The following ZNF804A variants were observed in gnomAD, a reference collection of about 807,000 sequenced individuals.
The protein encoded by ZNF804A is zinc finger protein 804A.
A neutral mutation model predicts 16.5 loss-of-function variants in ZNF804A; 2 were observed. That is an observed-to-expected ratio of 0.12 (90% CI 0.05 to 0.38). The LOEUF is 0.38. Among genes scored for constraint, ZNF804A ranks in the 10% least tolerant of loss-of-function variants. ZNF804A has a pLI of 0.99. For missense variants in ZNF804A, 1,473 were observed against 1,390.7 expected, an observed-to-expected ratio of 1.06 and a Z score of -0.94; for synonymous variants, 534 against 489.6, an observed-to-expected ratio of 1.09 and a Z score of -1.20.
At chr2:184,649,948 T>C (rs1691951796) in intron 1 of ZNF804A, among the ~76,000 whole-genome samples, 1 of 151,882 alleles carries the variant, frequency 6.6e-6, no homozygotes, top group African/African-American at 2.4e-5. Flanking sequence ...GACTCCTTTC[T>C]AACTAATTCT....
At chr2:184,817,076 A>C (rs1694994120) in intron 1 of ZNF804A, among the ~76,000 whole-genome samples, 1 of 152,010 alleles carries the variant, frequency 6.6e-6, no homozygotes, top group Non-Finnish European at 1.5e-5. Context: ...AAAGGAAAGC[A>C]AGAAGACCAG....
chr2:184,927,429 G>A (rs1230336595), intron 2 of ZNF804A, among the ~76,000 whole-genome samples: 1 of 152,098 alleles, frequency 6.6e-6, no homozygotes, highest in Middle Eastern at 3.2e-3. Context: ...CCACCACTGG[G>A]ATTGCACTGG....
chr2:184,646,352 T>G (rs1317714903), intron 1 of ZNF804A, among the ~76,000 whole-genome samples: 1 of 152,164 alleles, frequency 6.6e-6, no homozygotes, highest in Non-Finnish European at 1.5e-5. Context: ...TCCAGCTTGG[T>G]GAACTGGAAC....
At chr2:184,795,117 C>T (rs1173120832) in intron 1 of ZNF804A, among the ~76,000 whole-genome samples, 1 of 152,110 alleles carries the variant, frequency 6.6e-6, no homozygotes, top group Non-Finnish European at 1.5e-5. Context: ...ACAGAATATA[C>T]ATTCTATTCA....
intron 1 of ZNF804A, among the ~76,000 whole-genome samples, chr2:184,861,839 G>A (rs180883012): frequency 6.6e-6 from 1 of 152,134 alleles, no homozygotes; most frequent in East Asian, 1.9e-4. Flanking sequence ...ATTTCACTTC[G>A]CTGTCTACAA....
At chr2:184,686,899 A>C (rs1692645929) in intron 1 of ZNF804A, among the ~76,000 whole-genome samples, 1 of 152,006 alleles carries the variant, frequency 6.6e-6, no homozygotes, top group African/African-American at 2.4e-5. Flanking sequence ...CTTGCTTATT[A>C]ATTTATGTCT....
intron 1 of ZNF804A, among the ~76,000 whole-genome samples, chr2:184,683,128 T>C (rs529228404): frequency 2.0e-5 from 3 of 152,368 alleles, no homozygotes; most frequent in African/African-American, 7.2e-5. Context: ...GTATCTATTT[T>C]ATCTAATTTT....
chr2:184,809,286 A>T (rs1694856814), intron 1 of ZNF804A, among the ~76,000 whole-genome samples: 1 of 151,772 alleles, frequency 6.6e-6, no homozygotes, highest in African/African-American at 2.4e-5. Context: ...TTTTTTATAA[A>T]GTATACACAT....
intron 1 of ZNF804A, among the ~76,000 whole-genome samples, chr2:184,773,526 A>G (rs1015754929): frequency 1.3e-5 from 2 of 151,994 alleles, no homozygotes; most frequent in Non-Finnish European, 2.9e-5. Flanking sequence ...ATTGCAGACC[A>G]TTATTCTTAG....
chr2:184,668,122 C>T (rs72899938), intron 1 of ZNF804A, among the ~76,000 whole-genome samples: 8,832 of 151,584 alleles, frequency 0.058, 378 homozygotes, highest in Admixed American at 0.13. Flanking sequence ...ACTCAAAGGA[C>T]ATATTATTTT....
At chr2:184,625,476 CTT>C (rs1453148623) in intron 1 of ZNF804A, among the ~76,000 whole-genome samples, 1 of 151,838 alleles carries the variant, frequency 6.6e-6, no homozygotes, top group Non-Finnish European at 1.5e-5. Flanking sequence ...AGATAAATGA[CTT>C]AGTATATGTT....
intron 2 of ZNF804A, among the ~76,000 whole-genome samples, chr2:184,892,632 C>A (rs1040057958): frequency 1.3e-5 from 2 of 151,736 alleles, no homozygotes; most frequent in African/African-American, 2.4e-5. Context: ...TACAGGCACG[C>A]GCCACCATGC....
chr2:184,936,274 C>G lies in ZNF804A; in HGVS notation c.878C>G (p.Thr293Ser). 3 of 1,613,952 alleles carry G rather than the reference C, an allele frequency of 1.9e-6. No homozygotes were observed. The highest frequency in any genetic ancestry group is 2.5e-6 in the Non-Finnish European group (3 of 1,179,946). ...TGCAGAGACAAAGAAACTGTTCAAACTCAAGAGATAAAAGAAGTCTCTAGT... is the reference window on the plus strand; with the variant it reads ...TGCAGAGACAAAGAAACTGTTCAAAGTCAAGAGATAAAAGAAGTCTCTAGT... Reference protein sequence around the residue: ...AMCRDKETVQTQEIKEVSSEK... With the variant: ...AMCRDKETVQSQEIKEVSSEK... Residue 293 changes from threonine to serine, a missense_variant, in exon 4 of 4, where the codon ACT becomes AGT. Coordinates refer to ENST00000302277, the MANE Select transcript of ZNF804A (RefSeq NM_194250.2).
At chr2:184,697,938 G>T (rs1051213474) in intron 1 of ZNF804A, among the ~76,000 whole-genome samples, 1 of 151,946 alleles carries the variant, frequency 6.6e-6, no homozygotes, top group African/African-American at 2.4e-5. Flanking sequence ...TGAATCCCCT[G>T]CTCCCACTTG....
chr2:184,737,737 TAA>T (rs1225217371), intron 1 of ZNF804A, among the ~76,000 whole-genome samples: 3 of 152,164 alleles, frequency 2.0e-5, no homozygotes, highest in African/African-American at 7.2e-5. Context: ...CCTATATGAA[TAA>T]ACTCTTCGAC....
Position 184,938,778 on chromosome 2 carries a change from C to A in ZNF804A, c.3382C>A (p.His1128Asn). 6.2e-7 allele frequency: 1 copy of A among 1,613,708 alleles called. No homozygotes were observed. The highest frequency in any genetic ancestry group is 8.5e-7 in the Non-Finnish European group (1 of 1,179,846). ...AAGTFKVLQPHQQFLSQIPAL... is the reference protein window; with the variant it reads ...AAGTFKVLQPNQQFLSQIPAL... ...AGGAACCTTTAAAGTGCTTCAGCCACACCAACAGTTTCTTTCCCAAATCCC... is the reference window on the plus strand; with the variant it reads ...AGGAACCTTTAAAGTGCTTCAGCCAAACCAACAGTTTCTTTCCCAAATCCC... Residue 1128 changes from histidine (H) to asparagine (N), a missense_variant, in exon 4 of 4, where the codon CAC becomes AAC. By Grantham distance (68) the His-to-Asn change is moderately conservative. Transcript: ENST00000302277.
chr2:184,790,600 TTTTA>T (rs1302209234), intron 1 of ZNF804A, among the ~76,000 whole-genome samples: 3 of 151,886 alleles, frequency 2.0e-5, no homozygotes, highest in African/African-American at 2.4e-5. Context: ...ATTATTTATT[TTTTA>T]TTTATTTATT....
chr2:184,925,727 G>T (rs1308323711), intron 2 of ZNF804A, among the ~76,000 whole-genome samples: 1 of 151,574 alleles, frequency 6.6e-6, no homozygotes, highest in Non-Finnish European at 1.5e-5. Context: ...TTTTAAATTT[G>T]AGGTTAGTAT....
intron 1 of ZNF804A, among the ~76,000 whole-genome samples, chr2:184,754,723 C>G (rs910353278): frequency 6.6e-6 from 1 of 151,556 alleles, no homozygotes; most frequent in East Asian, 1.9e-4. Context: ...TTTTCTTTCT[C>G]TAGTACAGTG....
Sources: allele counts gnomAD v4.1 joint callset (sites outside exome capture counted in the v4.1 genomes callset), GRCh38; gene constraint gnomAD v4.1.1; transcripts MANE v1.5; gene names NCBI Gene and HGNC (gene_info 2026-07-23, HGNC 2026-07-21).